The following FRMPD4 variants were observed in gnomAD, a reference collection of about 807,000 sequenced individuals.
FRMPD4 encodes the protein FERM and PDZ domain-containing protein 4.
A neutral mutation model predicts 94.1 loss-of-function variants in FRMPD4; 22 were observed. That is an observed-to-expected ratio of 0.23 (90% CI 0.17 to 0.33). The LOEUF (loss-of-function observed/expected upper bound fraction) is 0.33, where lower values mean the gene tolerates loss of function less well. Ranked by LOEUF, FRMPD4 falls within the 10% of genes least tolerant of loss-of-function variation. The pLI is 1.00. For missense variants in FRMPD4, 1,111 were observed against 1,339.9 expected, an observed-to-expected ratio of 0.83 and a Z score of 2.67; for synonymous variants, 631 against 548.6, an observed-to-expected ratio of 1.15 and a Z score of -2.10.
intron 3 of FRMPD4, among the ~76,000 whole-genome samples, chrX:12,019,559 A>G (rs373816106): frequency 1.8e-5 from 2 of 111,179 alleles, no homozygotes; most frequent in East Asian, 2.8e-4. Flanking sequence ...AAACTCCTCA[A>G]TAGAGCTTTC....
At chrX:12,320,265 C>T (rs1229361966) in intron 1 of FRMPD4, among the ~76,000 whole-genome samples, 1 of 111,538 alleles carries the variant, frequency 9.0e-6, no homozygotes, top group Non-Finnish European at 1.9e-5. Flanking sequence ...GTACTGTTCT[C>T]ATTTTACAAA....
intron 1 of FRMPD4, among the ~76,000 whole-genome samples, chrX:12,316,115 G>A (rs1194042429): frequency 1.8e-5 from 2 of 111,711 alleles, no homozygotes; most frequent in Non-Finnish European, 3.8e-5. Context: ...TAAACTGGGT[G>A]AATTGTTATA....
chrX:12,367,702 G>C (rs2056105378), intron 1 of FRMPD4, among the ~76,000 whole-genome samples: 1 of 111,441 alleles, frequency 9.0e-6, no homozygotes, highest in Admixed American at 9.5e-5. Context: ...AAAACTGATG[G>C]ACCTGGTCAG....
intron 2 of FRMPD4, among the ~76,000 whole-genome samples, chrX:12,582,373 CTT>C (rs1433281368): frequency 8.9e-6 from 1 of 112,161 alleles, no homozygotes; most frequent in East Asian, 2.8e-4. Flanking sequence ...GGCTTAAAAA[CTT>C]TCATGGCTTC....
intron 1 of FRMPD4, among the ~76,000 whole-genome samples, chrX:12,183,122 C>CTA (rs1555930550): frequency 4.5e-5 from 5 of 110,156 alleles, no homozygotes; most frequent in East Asian, 2.9e-4. Flanking sequence ...ATCTATCTAT[C>CTA]TATATATATA....
chrX:12,133,419 G>T (rs1296032101), intron 3 of FRMPD4, among the ~76,000 whole-genome samples: 2 of 107,485 alleles, frequency 1.9e-5, no homozygotes, highest in Non-Finnish European at 3.8e-5. Context: ...AGGGAACCAG[G>T]GCATTTCTTT....
At chrX:12,535,553 T>C (rs1346949554) in intron 2 of FRMPD4, among the ~76,000 whole-genome samples, 4 of 112,349 alleles carry the variant, frequency 3.6e-5, no homozygotes, top group Non-Finnish European at 5.6e-5. Context: ...GCTCCATACT[T>C]ACTGCTTATA....
Position 12,463,690 on chromosome X carries a change from TTGTTTTTG to T in FRMPD4, c.42-34988_42-34981del, listed in dbSNP as rs1340962871. ...TGCCTCCTATGTGTGTGTTTTTTTT[TTGTTTTTG>T]TTTTTTTTTTTTAACAGAGCATGAA... On this transcript the variant is annotated intron_variant, in intron 1 of 16. Transcript: ENST00000675598. 9.7e-4 allele frequency among the ~76,000 whole-genome samples: 88 copies of T among 90,906 alleles called. 1 individual carries two copies. In the East Asian group the frequency reaches 0.016, roughly 16 times the overall value. 78.9% of individuals were successfully genotyped at this position (90,906 alleles called of 115,157 possible). A position where few individuals can be genotyped will look rare whatever the true frequency, so the allele number is the denominator to read the frequency against.
intron 4 of FRMPD4, among the ~76,000 whole-genome samples, chrX:12,658,057 T>C (rs1191041293): frequency 9.0e-6 from 1 of 111,700 alleles, no homozygotes; most frequent in Non-Finnish European, 1.9e-5. Context: ...TCTTGTGTCA[T>C]AGAAAGGAAA....
intron 1 of FRMPD4, among the ~76,000 whole-genome samples, chrX:12,276,765 G>A (rs777918750): frequency 9.0e-6 from 1 of 111,557 alleles, no homozygotes; most frequent in African/African-American, 3.3e-5. Flanking sequence ...CCATTCAGAT[G>A]ATTGTGGGGG....
chrX:12,417,908 G>A (rs1343229603), intron 1 of FRMPD4, among the ~76,000 whole-genome samples: 1 of 103,681 alleles, frequency 9.6e-6, no homozygotes, highest in Non-Finnish European at 2.0e-5. Context: ...GCAGGAGAAT[G>A]GCATGAACCC....
chrX:12,670,173 A>G (rs1198355198), intron 4 of FRMPD4, among the ~76,000 whole-genome samples: 1 of 111,348 alleles, frequency 9.0e-6, no homozygotes, highest in East Asian at 2.8e-4. Context: ...CTCCCACCCA[A>G]CCTACCACCT....
At chrX:12,524,303 G>C (rs983825528) in intron 2 of FRMPD4, among the ~76,000 whole-genome samples, 3 of 112,237 alleles carry the variant, frequency 2.7e-5, no homozygotes, top group African/African-American at 9.7e-5. Context: ...GTCTATTTTG[G>C]AATCTATCTC....
intron 1 of FRMPD4, among the ~76,000 whole-genome samples, chrX:12,369,747 A>G (rs1261646458): frequency 8.9e-6 from 1 of 111,884 alleles, no homozygotes; most frequent in African/African-American, 3.3e-5. Context: ...TACAAGATGC[A>G]TGATAGAGTC....
At position 12,716,985 on chromosome X, in the gene FRMPD4, T is replaced by C; in HGVS notation, c.2526T>C (p.Asn842=). 1 of 1,210,546 alleles carries C rather than the reference T, an allele frequency of 8.3e-7. No individual in the cohort carries two copies. Among genetic ancestry groups the C allele is most frequent in the African/African-American group, 1.7e-5 (1 of 57,765 alleles). ...EDKEKGSSLQ[N]DEIPVSLIDA... ...AGGAGAAAGGCAGCAGCCTGCAAAA[T>C]GATGAGATCCCCGTGTCCCTCATTG... The change falls in exon 15 of 17, where the codon AAT becomes AAC. Residue 842 remains asparagine (N), a synonymous_variant. Transcript: ENST00000675598.
At chrX:12,676,930 C>T (rs1338978585) in intron 5 of FRMPD4, among the ~76,000 whole-genome samples, 3 of 112,027 alleles carry the variant, frequency 2.7e-5, no homozygotes, top group Non-Finnish European at 5.6e-5. Flanking sequence ...GATAAATTCT[C>T]ATCTTTGACT....
rs745452578 is a variant in FRMPD4, at chrX:12,410,882, C to A, written c.42-87798C>A. 5.4e-5 allele frequency among the ~76,000 whole-genome samples: 6 copies of A among 111,511 alleles called. No homozygotes were observed. The East Asian group carries it at 1.4e-3, about 26-fold the overall frequency. On this transcript the variant is annotated intron_variant, in intron 1 of 16. Transcript: ENST00000675598. ...CATTGTCTCTTCTAGACTTAGAGTT[C>A]TTTTAGACTTAGAGATATGTAAAAA...
intron 3 of FRMPD4, among the ~76,000 whole-genome samples, chrX:12,001,133 A>G (rs949365650): frequency 1.8e-5 from 2 of 111,987 alleles, no homozygotes; most frequent in African/African-American, 6.5e-5. Context: ...GAAGTCAGGT[A>G]TGCACATAAC....
intron 3 of FRMPD4, among the ~76,000 whole-genome samples, chrX:12,015,544 C>G (rs1343825571): frequency 8.9e-6 from 1 of 111,826 alleles, no homozygotes; most frequent in Non-Finnish European, 1.9e-5. Flanking sequence ...ATATTTTGCT[C>G]CTTTTATTCT....
Sources: gnomAD v4.1 joint callset for allele counts (sites outside exome capture counted in the v4.1 genomes callset) on GRCh38, gnomAD v4.1.1 for gene constraint, MANE v1.5 for transcripts, NCBI Gene and HGNC (gene_info 2026-07-23, HGNC 2026-07-21) for gene names.